RASA1: variants seen among roughly 807,000 people sequenced by gnomAD.
RASA1 encodes RAS p21 protein activator 1.
In RASA1, 25 loss-of-function variants were observed where a neutral mutation model predicts 132.2. The ratio of observed to expected loss-of-function variants is 0.19; its 90% CI spans 0.14 to 0.26. The LOEUF (loss-of-function observed/expected upper bound fraction) is 0.26, where lower values mean the gene tolerates loss of function less well. RASA1 is among the 10% of genes least tolerant of loss of function. The pLI, the probability that RASA1 is intolerant of heterozygous loss-of-function variation, is 1.00. For missense variants in RASA1, 964 were observed against 1,299.2 expected (o/e 0.74, Z 3.97); for synonymous variants, 477 against 449.9 (o/e 1.06, Z -0.76).
At chr5:87,272,308 G>T (rs1753880979) in intron 1 of RASA1, among the ~76,000 whole-genome samples, 1 of 152,100 alleles carries the variant, frequency 6.6e-6, no homozygotes, top group South Asian at 2.1e-4. Flanking sequence ...TTTATAATAT[G>T]TTTTTAAAAT....
chr5:87,291,931 T>C (rs1754926962), intron 1 of RASA1, among the ~76,000 whole-genome samples: 1 of 152,228 alleles, frequency 6.6e-6, no homozygotes. Context: ...CATATGATAT[T>C]GAACATCTTT....
At chr5:87,307,641 T>C (rs1755682571) in intron 1 of RASA1, among the ~76,000 whole-genome samples, 1 of 152,244 alleles carries the variant, frequency 6.6e-6, no homozygotes, top group Admixed American at 6.5e-5. Context: ...TAGCCTTCTG[T>C]CTGTAATTTT....
chr5:87,376,800 AAG>A, intron 16 of RASA1, 79 bp from the exon 17 acceptor site: 1 of 1,405,296 alleles, frequency 7.1e-7, no homozygotes, highest in Non-Finnish European at 1.0e-6. Flanking sequence ...GAACTTGTGA[AAG>A]AACATATTTC....
At chr5:87,295,480 G>C (rs1363768401) in intron 1 of RASA1, among the ~76,000 whole-genome samples, 2 of 150,332 alleles carry the variant, frequency 1.3e-5, no homozygotes, top group African/African-American at 2.4e-5. Context: ...TCATTTTTGA[G>C]CACACCAGTT....
At chr5:87,270,843 C>G (rs1308844951) in intron 1 of RASA1, among the ~76,000 whole-genome samples, 1 of 151,914 alleles carries the variant, frequency 6.6e-6, no homozygotes, top group Non-Finnish European at 1.5e-5. Flanking sequence ...TAGTATTCCA[C>G]TTTTTATATT....
At position 87,364,604 on chromosome 5, in the gene RASA1, C is replaced by T. The variant is rs542183974; in HGVS notation, c.1610+1100C>T. ...GACAGGATTTCTTGAGATTTTTCTG[C>T]CCCTCTTTAACAACCTGAGAATCTT... is the stretch of plus-strand genomic sequence containing the variant. On this transcript the variant is annotated intron_variant, in intron 11 of 24. Coordinates refer to ENST00000274376, the MANE Select transcript of RASA1 (RefSeq NM_002890.3). Among the ~76,000 whole-genome samples, 171 of 152,074 alleles carry T rather than the reference C, an allele frequency of 1.1e-3. 2 individuals carry two copies. Among genetic ancestry groups the T allele is most frequent in the African/African-American group, 4.0e-3 (166 of 41,496 alleles).
rs1215499372 is a variant in RASA1 at position 87,268,248 on chromosome 5, C to T, written c.-204C>T. 1.3e-5 allele frequency: 10 copies of T among 748,482 alleles called. No homozygotes were observed. The highest frequency in any genetic ancestry group is 2.1e-5 in the Non-Finnish European group (10 of 483,580). 46.4% of individuals were successfully genotyped at this position (748,482 alleles called of 1,614,324 possible). ...GGCGTTGGGTTTTTTGCCCACTTGG[C>T]TTCCCGTAACCCAGGCAGCTGGGGA... On this transcript the variant is annotated 5_prime_UTR_variant, in exon 1 of 25. Transcript: ENST00000274376.
intron 1 of RASA1, chr5:87,331,010 C>T (rs1485776766): frequency 2.2e-6 from 3 of 1,380,568 alleles, no homozygotes; most frequent in Non-Finnish European, 2.9e-6. Context: ...TTCCATTTGT[C>T]TATCTTTTAT....
intron 24 of RASA1, among the ~76,000 whole-genome samples, chr5:87,390,117 A>G (rs1206900907): frequency 6.6e-6 from 1 of 152,228 alleles, no homozygotes; most frequent in African/African-American, 2.4e-5. Flanking sequence ...AGATACAGAT[A>G]AGGATGTATT....
intron 1 of RASA1, among the ~76,000 whole-genome samples, chr5:87,307,380 C>A (rs975622758): frequency 6.6e-6 from 1 of 152,074 alleles, no homozygotes; most frequent in Non-Finnish European, 1.5e-5. Context: ...AGAATGGCGT[C>A]AACCCGGGAG....
intron 9 of RASA1, among the ~76,000 whole-genome samples, chr5:87,354,804 G>C (rs1396421441): frequency 6.6e-6 from 1 of 152,184 alleles, no homozygotes; most frequent in East Asian, 1.9e-4. Context: ...GAAATTGAAA[G>C]TGCTACTCCA....
chr5:87,363,464 G>A lies in RASA1; in HGVS notation c.1570G>A (p.Val524Ile). 3.1e-6 allele frequency: 5 copies of A among 1,612,482 alleles called. No individual in the cohort carries two copies. Among genetic ancestry groups the A allele is most frequent in the Non-Finnish European group, 3.4e-6 (4 of 1,178,840 alleles). Reference protein sequence around the residue: ...TKPKGLIDLSVCSVYVVHDSL... With the variant: ...TKPKGLIDLSICSVYVVHDSL... ...ACCAAAAGGATTAATAGATCTCAGT[G>A]TATGTTCTGTCTATGTCGTTCATGA... Residue 524 changes from valine to isoleucine, a missense_variant, in exon 11 of 25, where the codon GTA (valine) becomes ATA (isoleucine). By Grantham distance (29) the Val-to-Ile change is conservative. Around this residue, in one of 6 missense-constraint regions of RASA1, gnomAD observed 346 missense variants for 520.1 expected, o/e 0.67. Coordinates refer to ENST00000274376, the MANE Select transcript of RASA1 (RefSeq NM_002890.3).
chr5:87,338,022 A>G lies in RASA1; in HGVS notation c.948A>G (p.Gly316=), dbSNP rs2112386598. 6.2e-7 allele frequency: 1 copy of G among 1,611,966 alleles called. No homozygotes were observed. The highest frequency in any genetic ancestry group is 8.5e-7 in the Non-Finnish European group (1 of 1,178,908). Residue 316 remains glycine (G), a synonymous_variant, in exon 5 of 25, where the codon GGA becomes GGG. Transcript: ENST00000274376. The stretch of plus-strand genomic sequence containing the variant: ...TTGTTCATAATGAATTAGAAGATGG[A>G]TGGATGTGGGTTACAAATTTAAGAA... ...MFIVHNELED[G]WMWVTNLRTD...
In RASA1 at chr5:87,379,596, T is replaced by TA; in HGVS notation, c.2488-138dup. Reference sequence around the variant, plus strand: ...GAGAAAACTACTTAAAAACTCCCATTATACAAAGAAAAAAGATCAATACAC... The same window carrying TA: ...GAGAAAACTACTTAAAAACTCCCATTAATACAAAGAAAAAAGATCAATACAC... On this transcript the variant is annotated intron_variant, in intron 18 of 24. Coordinates refer to ENST00000274376, the MANE Select transcript of RASA1 (RefSeq NM_002890.3). 8.3e-6 allele frequency: 10 copies of TA among 1,207,706 alleles called. 2 individuals carry two copies. In the South Asian group the frequency reaches 1.4e-4, roughly 17 times the overall value. 74.8% of individuals were successfully genotyped at this position (1,207,706 alleles called of 1,614,324 possible).
chr5:87,359,008 T>TA (rs1759870402), intron 9 of RASA1, among the ~76,000 whole-genome samples: 1 of 152,232 alleles, frequency 6.6e-6, no homozygotes, highest in Admixed American at 6.5e-5. Context: ...GCGGAGCACT[T>TA]ACCTTCTAAC....
intron 23 of RASA1, among the ~76,000 whole-genome samples, chr5:87,388,334 C>G (rs1184700483): frequency 6.6e-6 from 1 of 152,072 alleles, no homozygotes; most frequent in African/African-American, 2.4e-5. Flanking sequence ...TAATCCAAGC[C>G]CTTGTTAAAT....
chr5:87,308,603 G>T (rs1755730054), intron 1 of RASA1, among the ~76,000 whole-genome samples: 1 of 152,096 alleles, frequency 6.6e-6, no homozygotes, highest in Admixed American at 6.5e-5. Flanking sequence ...AACCATTGCT[G>T]TTGTGTATAT....
chr5:87,369,897 A>C lies in RASA1; in HGVS notation c.1695A>C (p.Ala565=). The change falls in exon 12 of 25, where the codon GCA becomes GCC. Residue 565 remains alanine, a synonymous_variant. Coordinates refer to ENST00000274376, the MANE Select transcript of RASA1 (RefSeq NM_002890.3). ...TTGCAGGAGAAACTCCAGAACAAGC[A>C]GAGGTAAGATTACTGTTTCTCAAAC... ...FYFAGETPEQ[A]EDWMKGLQAF... 6.2e-7 allele frequency: 1 copy of C among 1,603,946 alleles called. No homozygotes were observed. The highest frequency in any genetic ancestry group is 1.1e-5 in the South Asian group (1 of 90,818).
At position 87,338,071 on chromosome 5, in the gene RASA1, G is replaced by A. The variant is rs780520216; in HGVS notation, c.997G>A (p.Glu333Lys). ...AACAGATGAACAAGGCCTTATTGTTGAAGACCTAGTAGAAGAGGTGGTAAG... is the reference window on the plus strand; with the variant it reads ...AACAGATGAACAAGGCCTTATTGTTAAAGACCTAGTAGAAGAGGTGGTAAG... ...LRTDEQGLIVEDLVEEVGREE... is the reference protein window; with the variant it reads ...LRTDEQGLIVKDLVEEVGREE... Residue 333 changes from glutamate to lysine, a missense_variant, in exon 5 of 25, where the codon GAA (glutamate) becomes AAA (lysine). This residue lies in a region of RASA1 where 154 missense variants were observed against 286.5 expected (regional missense o/e 0.54). Transcript: ENST00000274376. 1 of 1,612,226 alleles carries A rather than the reference G, an allele frequency of 6.2e-7. No homozygotes were observed. Among genetic ancestry groups the A allele is most frequent in the Non-Finnish European group, 8.5e-7 (1 of 1,178,998 alleles).
Sources: gnomAD v4.1 joint callset for allele counts (sites outside exome capture counted in the v4.1 genomes callset) on GRCh38, gnomAD v4.1.1 for gene constraint, gnomAD v4.1.1 regional missense constraint, MANE v1.5 for transcripts, NCBI Gene and HGNC (gene_info 2026-07-23, HGNC 2026-07-21) for gene names.